The following NR2C2 variants were observed in gnomAD, a reference collection of about 807,000 sequenced individuals.
NR2C2 encodes Nuclear hormone receptor TR4.
Under a neutral mutation model 62.9 loss-of-function variants are expected in NR2C2, and 6 were observed. That is an observed-to-expected ratio of 0.10 (90% CI 0.05 to 0.19). The LOEUF is 0.19. Among genes scored for constraint, NR2C2 ranks in the 10% least tolerant of loss-of-function variants. The pLI, the probability that NR2C2 is intolerant of heterozygous loss-of-function variation, is 1.00. For missense variants in NR2C2, 479 were observed against 762.7 expected (o/e 0.63, Z 4.38); for synonymous variants, 272 against 273.8 (o/e 0.99, Z 0.07).
intron 1 of NR2C2, among the ~76,000 whole-genome samples, chr3:14,975,860 T>G (rs2040188913): frequency 6.6e-6 from 1 of 152,124 alleles, no homozygotes; most frequent in African/African-American, 2.4e-5. Flanking sequence ...TTTTGGAAAG[T>G]TTTTGATTAC....
chr3:14,950,930 C>A (rs2039337790), intron 1 of NR2C2, among the ~76,000 whole-genome samples: 1 of 152,176 alleles, frequency 6.6e-6, no homozygotes, highest in South Asian at 2.1e-4. Flanking sequence ...TTGAATTTAG[C>A]AAGTGATTTC....
intron 4 of NR2C2, among the ~76,000 whole-genome samples, chr3:15,019,114 T>C (rs2041599958): frequency 6.7e-6 from 1 of 148,320 alleles, no homozygotes; most frequent in Non-Finnish European, 1.5e-5. Context: ...TAATTCCAGC[T>C]ACTCGGGAGG....
intron 1 of NR2C2, among the ~76,000 whole-genome samples, chr3:14,959,872 T>G (rs1411261793): frequency 6.6e-6 from 1 of 152,118 alleles, no homozygotes; most frequent in Non-Finnish European, 1.5e-5. Context: ...TATCCACATA[T>G]ATAGGAAAAA....
chr3:15,038,212 C>T lies in NR2C2; in HGVS notation c.1510+75C>T, dbSNP rs2042157661. The T allele has an allele frequency of 2.1e-6, 3 of 1,455,214 alleles. No homozygotes were observed. The Admixed American group carries it at 6.5e-5, about 31-fold the overall frequency. The allele number at this position is 1,455,214 out of a possible 1,614,324, so 90.1% of individuals were successfully genotyped here. A position where few individuals can be genotyped will look rare whatever the true frequency, so the allele number is the denominator to read the frequency against. ...ATGTTTCTGAACGTGAACATGTTGT[C>T]ATCATTGGTGTAGAAAGAGCCCTGC... On this transcript the variant is annotated intron_variant, in intron 12 of 13. Coordinates refer to ENST00000425241, the MANE Select transcript of NR2C2 (RefSeq NM_001291694.2).
At chr3:15,011,762 C>T (rs1203797278) in intron 2 of NR2C2, among the ~76,000 whole-genome samples, 2 of 152,204 alleles carry the variant, frequency 1.3e-5, no homozygotes, top group African/African-American at 2.4e-5. Context: ...TCTGGTCTTG[C>T]ACTTGGCTGT....
At chr3:14,965,324 ATTCTTTCTTT>A (rs1213074821) in intron 1 of NR2C2, among the ~76,000 whole-genome samples, 1 of 152,138 alleles carries the variant, frequency 6.6e-6, no homozygotes, top group Admixed American at 6.6e-5. Flanking sequence ...AGAGGCCATC[ATTCTTTCTTT>A]TTCTTTCTAT....
chr3:15,030,219 G>C, intron 8 of NR2C2, 56 bp from the exon 9 acceptor site: 1 of 1,405,978 alleles, frequency 7.1e-7, no homozygotes, highest in African/African-American at 1.5e-5. Context: ...CTAGAATTCT[G>C]TTCCCCCTAA....
intron 10 of NR2C2, 69 bp from the exon 11 acceptor site, chr3:15,034,601 C>G: frequency 6.5e-7 from 1 of 1,531,120 alleles, no homozygotes. Context: ...GGACTTAGTG[C>G]CTGGATGCCC....
chr3:15,030,535 T>A, intron 9 of NR2C2, 83 bp downstream of exon 9: 1 of 1,410,406 alleles, frequency 7.1e-7, no homozygotes, highest in Non-Finnish European at 9.4e-7. Context: ...GTTTTAAAAA[T>A]CAAACCTTGG....
At chr3:15,024,087 A>G in intron 6 of NR2C2, 28 bp from the exon 7 acceptor site, 1 of 1,480,622 alleles carries the variant, frequency 6.8e-7, no homozygotes, top group Non-Finnish European at 9.4e-7. Flanking sequence ...GTTGGAAGCT[A>G]CTCTGAGTTT....
chr3:15,000,814 GTTTT>G (rs60214973), intron 1 of NR2C2, among the ~76,000 whole-genome samples: 22 of 127,022 alleles, frequency 1.7e-4, no homozygotes, highest in South Asian at 1.0e-3. Context: ...ATTTATTTAG[GTTTT>G]TTTTTTTTTT....
chr3:15,039,164 A>G lies in NR2C2; in HGVS notation c.1553A>G (p.Gln518Arg). 6.2e-7 allele frequency: 1 copy of G among 1,614,178 alleles called. No homozygotes were observed. The highest frequency in any genetic ancestry group is 8.5e-7 in the Non-Finnish European group (1 of 1,180,026). ...AGCACAAGCCAGATTGAAAAATTCC[A>G]AGAAAAGGCACAGATGGAGTTGCAG... ...LTSTSQIEKF[Q>R]EKAQMELQDY... The change falls in exon 13 of 14, where the codon CAA becomes CGA. Residue 518 changes from glutamine (Q) to arginine (R), a missense_variant. By Grantham distance (43) the Gln-to-Arg change is conservative. Coordinates refer to ENST00000425241, the MANE Select transcript of NR2C2 (RefSeq NM_001291694.2).
rs151037511 is a variant in NR2C2, at chr3:14,949,117, A to G, written c.-40+1211A>G. On this transcript the variant is annotated intron_variant, in intron 1 of 13. Transcript: ENST00000425241. ...TGAATACATGTTGACTTAGTTTTTTAGGCACTGGGGACACATCTGGAGAAC... is the reference window on the plus strand; with the variant it reads ...TGAATACATGTTGACTTAGTTTTTTGGGCACTGGGGACACATCTGGAGAAC... Among the ~76,000 whole-genome samples the G allele has an allele frequency of 4.4e-3, 675 of 152,304 alleles. 3 individuals carry two copies. The highest frequency in any genetic ancestry group is 0.015 in the African/African-American group (632 of 41,556).
intron 1 of NR2C2, among the ~76,000 whole-genome samples, chr3:14,971,603 C>G (rs1212093738): frequency 2.0e-5 from 3 of 151,552 alleles, no homozygotes; most frequent in Non-Finnish European, 4.4e-5. Flanking sequence ...TTCTTACCAG[C>G]AGTGCACAAG....
rs375706134 is a variant in NR2C2, at chr3:15,016,133, G to A, written c.274-19G>A. On this transcript the variant is annotated intron_variant, in intron 3 of 13. Transcript: ENST00000425241. ...TGATTTTTAATTGGCACCCCTGTTCGTTTCCTGATTTCTCTCAGATTGTCA... is the reference window on the plus strand; with the variant it reads ...TGATTTTTAATTGGCACCCCTGTTCATTTCCTGATTTCTCTCAGATTGTCA... The A allele has an allele frequency of 1.6e-5, 25 of 1,600,972 alleles. No individual in the cohort carries two copies. The highest frequency in any genetic ancestry group is 1.5e-4 in the African/African-American group (11 of 74,740).
Position 15,048,854 on chromosome 3 carries a change from C to G in NR2C2, c.*5846C>G, listed in dbSNP as rs539393985. 18 of 152,748 alleles carry G rather than the reference C, an allele frequency of 1.2e-4. No individual in the cohort carries two copies. The highest frequency in any genetic ancestry group is 4.3e-4 in the African/African-American group (18 of 41,576). The allele number at this position is 152,748 out of a possible 1,614,324, so 9.5% of individuals were successfully genotyped here. A position where few individuals can be genotyped will look rare whatever the true frequency, so the allele number is the denominator to read the frequency against. On this transcript the variant is annotated 3_prime_UTR_variant, in exon 14 of 14. Coordinates refer to ENST00000425241, the MANE Select transcript of NR2C2 (RefSeq NM_001291694.2). ...TTAGAATGTAACTGCATTACCAGCC[C>G]TTTTAAAGGCATCTATCTATCAAAG... is the stretch of plus-strand genomic sequence containing the variant.
chr3:15,005,041 C>G (rs143834994), intron 2 of NR2C2, among the ~76,000 whole-genome samples: 1 of 151,380 alleles, frequency 6.6e-6, no homozygotes, highest in Non-Finnish European at 1.5e-5. Context: ...GCATGAGCCA[C>G]CATGCCCAGC....
rs1037755932 is a variant in NR2C2 at position 15,048,328 on chromosome 3, A to G, written c.*5320A>G. ...AAAGTGGCTTTCTAGTTAAAATGCA[A>G]TTGGAAACTTGACAGTCTCTAAATG... On this transcript the variant is annotated 3_prime_UTR_variant, in exon 14 of 14. Transcript: ENST00000425241. 14 of 152,768 alleles carry G rather than the reference A, an allele frequency of 9.2e-5. No individual in the cohort carries two copies. The highest frequency in any genetic ancestry group is 1.4e-4 in the African/African-American group (6 of 41,584). 9.5% of individuals were successfully genotyped at this position (152,768 alleles called of 1,614,324 possible).
intron 2 of NR2C2, among the ~76,000 whole-genome samples, chr3:15,013,166 G>T (rs1257372219): frequency 6.6e-6 from 1 of 152,170 alleles, no homozygotes; most frequent in East Asian, 1.9e-4. Flanking sequence ...ATTATTTACA[G>T]GACCTTTTAG....
Sources: allele counts gnomAD v4.1 joint callset (sites outside exome capture counted in the v4.1 genomes callset), GRCh38; gene constraint gnomAD v4.1.1; transcripts MANE v1.5; gene names NCBI Gene and HGNC (gene_info 2026-07-23, HGNC 2026-07-21).